TEX14: variants seen among roughly 807,000 people sequenced by gnomAD.
TEX14 encodes inactive serine/threonine-protein kinase TEX14.
In TEX14, 168 loss-of-function variants were observed where a neutral mutation model predicts 178.6. The ratio of observed to expected loss-of-function variants is 0.94; its 90% CI spans 0.83 to 1.07. The LOEUF (loss-of-function observed/expected upper bound fraction) is 1.07. Among genes scored for constraint, TEX14 ranks in the 50% least tolerant of loss-of-function variants. The pLI is 0.00. For synonymous variants in TEX14, 626 were observed against 634.1 expected (o/e 0.99, Z 0.19); for missense variants, 1,730 against 1,753.6 (o/e 0.99, Z 0.24).
intron 2 of TEX14, chr17:58,631,916 T>C (rs1654339258): frequency 6.6e-6 from 1 of 152,368 alleles, no homozygotes; most frequent in Admixed American, 6.5e-5. Flanking sequence ...TGAGCACATT[T>C]TCCTCTCGAA....
intron 1 of TEX14, among the ~76,000 whole-genome samples, chr17:58,654,795 C>T (rs1272851248): frequency 6.6e-6 from 1 of 151,960 alleles, no homozygotes; most frequent in Non-Finnish European, 1.5e-5. Flanking sequence ...AAGTGAGCCA[C>T]CGCACCTGGC....
intron 3 of TEX14, among the ~76,000 whole-genome samples, chr17:58,625,053 G>C (rs1031145640): frequency 6.6e-6 from 1 of 152,176 alleles, no homozygotes; most frequent in South Asian, 2.1e-4. Context: ...ACACTGCATC[G>C]TGGGAATCAC....
intron 1 of TEX14, among the ~76,000 whole-genome samples, chr17:58,682,744 T>G (rs528160477): frequency 1.3e-5 from 2 of 152,310 alleles, no homozygotes; most frequent in South Asian, 2.1e-4. Context: ...CACAAAAATT[T>G]CATTGCTATT....
chr17:58,573,249 T>A lies in TEX14; in HGVS notation c.3443A>T (p.Lys1148Met). ...SISYEPDSSF[K>M]EASCKTPKIN... is the part of the protein sequence containing the mutation. The stretch of plus-strand genomic sequence containing the variant: ...TTTGGGTGTTTTGCATGAAGCTTCC[T>A]TAAAAGAGCTGTCTGGTTCATAGGA... Residue 1148 changes from lysine (K) to methionine (M), a missense_variant, in exon 23 of 32, where the codon AAG becomes ATG. Coordinates refer to ENST00000349033, the MANE Select transcript of TEX14 (RefSeq NM_031272.5). 6.2e-7 allele frequency: 1 copy of A among 1,614,116 alleles called. No homozygotes were observed. Among genetic ancestry groups the A allele is most frequent in the Non-Finnish European group, 8.5e-7 (1 of 1,179,960 alleles).
intron 16 of TEX14, 90 bp downstream of exon 16, chr17:58,587,806 T>G: frequency 8.0e-7 from 1 of 1,244,340 alleles, no homozygotes. Flanking sequence ...ATTCCTAGAG[T>G]TGCACTGACC....
chr17:58,647,691 T>G (rs12936771), intron 2 of TEX14, among the ~76,000 whole-genome samples: 1 of 151,574 alleles, frequency 6.6e-6, no homozygotes, highest in Non-Finnish European at 1.5e-5. Context: ...CTTTCTTTCT[T>G]TCTTTTTGTT....
intron 24 of TEX14, among the ~76,000 whole-genome samples, chr17:58,571,235 C>CTTTTTTTTTTTT (rs11456555): frequency 1.6e-5 from 2 of 127,260 alleles, no homozygotes; most frequent in Non-Finnish European, 3.2e-5. Context: ...CTTTTCTTTT[C>CTTTTTTTTTTTT]TTTTTTTTTT....
chr17:58,658,345 G>T (rs2047012291), intron 1 of TEX14, among the ~76,000 whole-genome samples: 1 of 150,864 alleles, frequency 6.6e-6, no homozygotes, highest in Non-Finnish European at 1.5e-5. Flanking sequence ...TGGGATTACA[G>T]GCATGCACCA....
At chr17:58,640,302 T>TC (rs1033679020) in intron 2 of TEX14, among the ~76,000 whole-genome samples, 17 of 138,492 alleles carry the variant, frequency 1.2e-4, no homozygotes, top group African/African-American at 4.0e-4. Context: ...CGAGACTCTG[T>TC]CCCAAAAAAA....
intron 1 of TEX14, chr17:58,666,636 T>G (rs1330798824): frequency 6.6e-6 from 1 of 152,136 alleles, no homozygotes; most frequent in African/African-American, 2.4e-5. Flanking sequence ...GTGCAACGAA[T>G]AAGCCACACA....
chr17:58,587,858 CG>C, intron 16 of TEX14, 37 bp downstream of exon 16: 2 of 1,256,394 alleles, frequency 1.6e-6, no homozygotes, highest in South Asian at 1.2e-5. Context: ...CCCCCACCCC[CG>C]CTCCACCACC....
At position 58,599,276 on chromosome 17, in the gene TEX14, A is replaced by G. The variant is rs2045368738; in HGVS notation, c.2069T>C (p.Phe690Ser). 4 of 1,613,560 alleles carry G rather than the reference A, an allele frequency of 2.5e-6. No individual in the cohort carries two copies. The highest frequency in any genetic ancestry group is 3.4e-6 in the Non-Finnish European group (4 of 1,180,036). Residue 690 changes from phenylalanine to serine, a missense_variant, in exon 14 of 32, where the codon TTT becomes TCT. Around this residue, in one of 2 missense-constraint regions of TEX14, gnomAD observed 941 missense variants for 1,072.4 expected, o/e 0.88. Coordinates refer to ENST00000349033, the MANE Select transcript of TEX14 (RefSeq NM_031272.5). ...ACCGTTTTGCCAGTCCCAGTCATCA[A>G]AAGAGTACTCTGTCTCAGCTTTTGA... ...SSSKAETEYS[F>S]DDWDWQNGSL... is the part of the protein sequence containing the mutation.
At chr17:58,659,210 C>G (rs140469398) in intron 1 of TEX14, 1 of 304,604 alleles carries the variant, frequency 3.3e-6, no homozygotes, top group African/African-American at 2.3e-5. Context: ...TTTTCTCATT[C>G]GGGGAAATCG....
chr17:58,559,440 CATTA>C lies in TEX14; in HGVS notation c.4267+9_4267+12del, dbSNP rs1567986590. ...GACTACAGACTACATTATAAACATA[CATTA>C]ATTCATACCTTCTTCAGAAGTCCCT... On this transcript the variant is annotated intron_variant, in intron 30 of 31. Coordinates refer to ENST00000349033, the MANE Select transcript of TEX14 (RefSeq NM_031272.5). The C allele has an allele frequency of 8.8e-7, 1 of 1,137,346 alleles. No individual in the cohort carries two copies. The highest frequency in any genetic ancestry group is 1.3e-5 in the South Asian group (1 of 78,492). 70.5% of individuals were successfully genotyped at this position (1,137,346 alleles called of 1,614,324 possible).
intron 2 of TEX14, among the ~76,000 whole-genome samples, chr17:58,646,908 CTT>C (rs752886851): frequency 1.6e-4 from 23 of 141,486 alleles, no homozygotes; most frequent in East Asian, 4.2e-4. Flanking sequence ...CAAGCACACT[CTT>C]TTTTTTTTTT....
At chr17:58,614,404 C>T (rs371146220) in intron 8 of TEX14, among the ~76,000 whole-genome samples, 1 of 152,330 alleles carries the variant, frequency 6.6e-6, no homozygotes, top group South Asian at 2.1e-4. Context: ...GCCTGGGAAT[C>T]GCTTGAGCCC....
intron 2 of TEX14, among the ~76,000 whole-genome samples, chr17:58,651,386 T>A (rs1248744132): frequency 6.6e-6 from 1 of 152,120 alleles, no homozygotes; most frequent in Non-Finnish European, 1.5e-5. Context: ...TCACATGACA[T>A]GTTTGTTGGT....
At chr17:58,632,684 G>A (rs1283520605) in intron 2 of TEX14, among the ~76,000 whole-genome samples, 3 of 152,180 alleles carry the variant, frequency 2.0e-5, no homozygotes. Flanking sequence ...CACGCACCTA[G>A]GTCACGATAA....
chr17:58,666,316 C>A (rs1288752155), intron 1 of TEX14, among the ~76,000 whole-genome samples: 2 of 151,938 alleles, frequency 1.3e-5, no homozygotes, highest in Non-Finnish European at 2.9e-5. Context: ...CCACTGCACT[C>A]CAGCCTGGAA....
Sources: allele counts gnomAD v4.1 joint callset (sites outside exome capture counted in the v4.1 genomes callset), GRCh38; gene constraint gnomAD v4.1.1; regional missense constraint gnomAD v4.1.1; transcripts MANE v1.5; gene names NCBI Gene and HGNC (gene_info 2026-07-23, HGNC 2026-07-21).